Variants in ASB15 observed in about 807,000 individuals in gnomAD.
The protein encoded by ASB15 is ankyrin repeat and SOCS box protein 15.
A neutral mutation model predicts 58.0 loss-of-function variants in ASB15; 54 were observed. The ratio of observed to expected loss-of-function variants is 0.93; its 90% CI spans 0.75 to 1.17. The LOEUF (loss-of-function observed/expected upper bound fraction) is 1.17, where lower values mean the gene tolerates loss of function less well. Ranked by LOEUF, ASB15 falls within the 50% of genes most tolerant of loss-of-function variation. The pLI, the probability that ASB15 is intolerant of heterozygous loss-of-function variation, is 0.00. For missense variants in ASB15, 680 were observed against 707.4 expected, an observed-to-expected ratio of 0.96 and a Z score of 0.44; for synonymous variants, 249 against 262.4, an observed-to-expected ratio of 0.95 and a Z score of 0.50.
In ASB15 at chr7:123,620,549, T is replaced by C. The variant is rs1361590942; in HGVS notation, c.451+2812T>C. 1.3e-4 allele frequency among the ~76,000 whole-genome samples: 3 copies of C among 23,482 alleles called. No individual in the cohort carries two copies. In the East Asian group the frequency reaches 4.7e-3, roughly 37 times the overall value. 15.4% of individuals were successfully genotyped at this position (23,482 alleles called of 152,430 possible). A position where few individuals can be genotyped will look rare whatever the true frequency, so the allele number is the denominator to read the frequency against. ...ATATATATATATATATATATATATA[T>C]ATATATTTTTTTTTTTTTTTTTTTT... On this transcript the variant is annotated intron_variant, in intron 7 of 11. Coordinates refer to ENST00000451215, the MANE Select transcript of ASB15 (RefSeq NM_001290258.2).
intron 2 of ASB15, among the ~76,000 whole-genome samples, chr7:123,606,336 G>A (rs1800147515): frequency 6.6e-6 from 1 of 152,056 alleles, no homozygotes; most frequent in Non-Finnish European, 1.5e-5. Flanking sequence ...CTGTACATTT[G>A]GGCAATCTTC....
upstream of ASB15, among the ~76,000 whole-genome samples, chr7:123,599,851 T>C (rs936556506): frequency 6.6e-6 from 1 of 152,210 alleles, no homozygotes; most frequent in African/African-American, 2.4e-5. Flanking sequence ...AACTAGTCCT[T>C]CACTGTTAAA....
intron 6 of ASB15, 87 bp downstream of exon 6, chr7:123,616,582 G>A: frequency 7.2e-7 from 1 of 1,384,096 alleles, no homozygotes; most frequent in South Asian, 1.4e-5. Flanking sequence ...AACATAACTA[G>A]CAGAAAGAAA....
intron 2 of ASB15, among the ~76,000 whole-genome samples, chr7:123,607,124 T>C (rs906404745): frequency 3.9e-5 from 6 of 152,262 alleles, no homozygotes; most frequent in African/African-American, 1.4e-4. Context: ...TTTCACAATG[T>C]ATACATATGT....
At chr7:123,619,326 T>C (rs933210261) in intron 7 of ASB15, among the ~76,000 whole-genome samples, 10 of 151,952 alleles carry the variant, frequency 6.6e-5, no homozygotes, top group Non-Finnish European at 1.2e-4. Flanking sequence ...ATTAGTGTTA[T>C]AAGTGCTATA....
chr7:123,588,733 G>A (rs902925130), intron 1 of ASB15, among the ~76,000 whole-genome samples: 1 of 150,244 alleles, frequency 6.7e-6, no homozygotes, highest in Non-Finnish European at 1.5e-5. Flanking sequence ...TTTTAGAATT[G>A]CTTTTGCTAC....
intron 7 of ASB15, chr7:123,620,188 A>G (rs1387175680): frequency 1.3e-5 from 2 of 151,888 alleles, no homozygotes; most frequent in African/African-American, 4.8e-5. Context: ...CCTTCCACTC[A>G]TGTCCCATTA....
chr7:123,615,772 AC>A (rs911156487), intron 4 of ASB15, among the ~76,000 whole-genome samples: 1 of 152,136 alleles, frequency 6.6e-6, no homozygotes, highest in African/African-American at 2.4e-5. Flanking sequence ...AAAGCAAAAA[AC>A]ATTTTTTGAG....
In ASB15 at chr7:123,629,066, G is replaced by A. The variant is rs370081452; in HGVS notation, c.1072G>A (p.Val358Ile). The change falls in exon 10 of 12, where the codon GTT (valine) becomes ATT (isoleucine). Residue 358 changes from valine to isoleucine, a missense_variant. Val to Ile is a conservative substitution (Grantham distance 29). Coordinates refer to ENST00000451215, the MANE Select transcript of ASB15 (RefSeq NM_001290258.2). ...DERKTALYFG[V>I]SNNDVHCTEV... ...GAGGAAGACTGCGCTGTATTTTGGC[G>A]TTTCTAATAATGACGTTCATTGCAC... 4.2e-5 allele frequency: 67 copies of A among 1,613,552 alleles called. No homozygotes were observed. Among genetic ancestry groups the A allele is most frequent in the South Asian group, 3.4e-4 (31 of 90,998 alleles).
intron 4 of ASB15, 64 bp from the exon 5 acceptor site, chr7:123,616,157 T>A (rs1283012903): frequency 7.7e-7 from 1 of 1,292,248 alleles, no homozygotes; most frequent in Non-Finnish European, 1.1e-6. Context: ...TAAATTAAAA[T>A]GTTTGGTTCC....
chr7:123,597,998 G>A (rs946953044), upstream of ASB15, among the ~76,000 whole-genome samples: 2 of 145,442 alleles, frequency 1.4e-5, no homozygotes, highest in Non-Finnish European at 3.0e-5. Flanking sequence ...AGCCTTCTTA[G>A]GTCTCATCTC....
At chr7:123,595,747 T>C (rs1278631877) in intron 1 of ASB15, among the ~76,000 whole-genome samples, 2 of 152,198 alleles carry the variant, frequency 1.3e-5, no homozygotes, top group Non-Finnish European at 2.9e-5. Context: ...TTCTTGACTT[T>C]GTAAATGCTC....
At chr7:123,582,277 A>AG (rs944027961) in intron 1 of ASB15, among the ~76,000 whole-genome samples, 10 of 151,708 alleles carry the variant, frequency 6.6e-5, no homozygotes, top group South Asian at 2.1e-4. Flanking sequence ...GGAGATGGGG[A>AG]GGGGGGGTTG....
chr7:123,573,737 C>T (rs1188096062), intron 1 of ASB15, among the ~76,000 whole-genome samples: 3 of 152,016 alleles, frequency 2.0e-5, no homozygotes, highest in Non-Finnish European at 4.4e-5. Flanking sequence ...TCCCATTATC[C>T]AGAAAGTCTC....
intron 1 of ASB15, among the ~76,000 whole-genome samples, chr7:123,593,171 A>C (rs1030560837): frequency 1.3e-5 from 2 of 152,030 alleles, no homozygotes; most frequent in African/African-American, 4.8e-5. Context: ...GTGTCTTTGC[A>C]TGTGAGATGG....
At chr7:123,603,110 G>C (rs1799966053) in intron 1 of ASB15, among the ~76,000 whole-genome samples, 1 of 152,082 alleles carries the variant, frequency 6.6e-6, no homozygotes, top group Admixed American at 6.6e-5. Context: ...TTAAAGACTT[G>C]CTATGCTATG....
At chr7:123,624,908 A>G in intron 8 of ASB15, 94 bp downstream of exon 8, 1 of 1,415,870 alleles carries the variant, frequency 7.1e-7, no homozygotes, top group Non-Finnish European at 9.5e-7. Context: ...GAATGTAACT[A>G]GGGGAGCTCC....
chr7:123,599,785 C>T (rs946020360), upstream of ASB15, among the ~76,000 whole-genome samples: 41 of 152,090 alleles, frequency 2.7e-4, no homozygotes, highest in African/African-American at 9.7e-4. Flanking sequence ...AGAAGGAATG[C>T]GTATTTGGAT....
chr7:123,630,120 G>A lies in ASB15; in HGVS notation c.1594+1G>A, dbSNP rs754619253. 1 of 1,562,936 alleles carries A rather than the reference G, an allele frequency of 6.4e-7. No homozygotes were observed. The highest frequency in any genetic ancestry group is 1.2e-5 in the South Asian group (1 of 82,072). ...TGGCCAGAAATCCGCCAAATACTAGGTAAAAACCAAAAGTTTTGCCTACAA... is the reference window on the plus strand; with the variant it reads ...TGGCCAGAAATCCGCCAAATACTAGATAAAAACCAAAAGTTTTGCCTACAA... On this transcript the variant is annotated splice_donor_variant, in intron 11 of 11. Coordinates refer to ENST00000451215, the MANE Select transcript of ASB15 (RefSeq NM_001290258.2). LOFTEE classifies it high-confidence loss of function.
Sources: gnomAD v4.1 joint callset for allele counts (sites outside exome capture counted in the v4.1 genomes callset) on GRCh38, gnomAD v4.1.1 for gene constraint, MANE v1.5 for transcripts, NCBI Gene and HGNC (gene_info 2026-07-23, HGNC 2026-07-21) for gene names.